Variants in EYA2 observed in about 807,000 individuals in gnomAD.
The protein encoded by EYA2 is protein phosphatase EYA2.
A neutral mutation model predicts 69.2 loss-of-function variants in EYA2; 31 were observed. The ratio of observed to expected loss-of-function variants is 0.45; its 90% CI spans 0.34 to 0.60. The LOEUF (loss-of-function observed/expected upper bound fraction) is 0.60. Among genes scored for constraint, EYA2 ranks in the 20% least tolerant of loss-of-function variants. The pLI is 0.02. For missense variants in EYA2, 622 were observed against 701.2 expected, an observed-to-expected ratio of 0.89 and a Z score of 1.28; for synonymous variants, 257 against 279.4, an observed-to-expected ratio of 0.92 and a Z score of 0.80.
chr20:47,083,577 CAAAAA>C (rs35525311), intron 7 of EYA2, among the ~76,000 whole-genome samples: 1 of 120,646 alleles, frequency 8.3e-6, no homozygotes, highest in South Asian at 2.7e-4. Flanking sequence ...GAGTCCATCT[CAAAAA>C]AAAAAAAAAA....
chr20:47,053,901 G>T (rs924304206), intron 5 of EYA2, among the ~76,000 whole-genome samples: 2 of 151,804 alleles, frequency 1.3e-5, no homozygotes, highest in Admixed American at 1.3e-4. Context: ...AGAGTCGTTA[G>T]GGTCATAGAC....
chr20:47,012,333 C>T (rs1397051127), intron 4 of EYA2, among the ~76,000 whole-genome samples: 1 of 152,218 alleles, frequency 6.6e-6, no homozygotes, highest in Admixed American at 6.5e-5. Flanking sequence ...TGTCCCCAGG[C>T]CAAACCGTGA....
At chr20:47,112,164 CTATT>C (rs1443411261) in intron 9 of EYA2, among the ~76,000 whole-genome samples, 2 of 151,932 alleles carry the variant, frequency 1.3e-5, no homozygotes, top group Non-Finnish European at 2.9e-5. Flanking sequence ...AAAGCCATGA[CTATT>C]TAGGAGGAAA....
intron 5 of EYA2, among the ~76,000 whole-genome samples, chr20:47,057,063 AGAAG>A (rs2030650056): frequency 8.4e-6 from 1 of 119,534 alleles, no homozygotes; most frequent in Non-Finnish European, 1.6e-5. Flanking sequence ...AAAGGGAGAA[AGAAG>A]GGAGGGAGGG....
intron 5 of EYA2, among the ~76,000 whole-genome samples, chr20:47,036,986 G>T (rs1984755141): frequency 6.6e-6 from 1 of 152,178 alleles, no homozygotes; most frequent in African/African-American, 2.4e-5. Context: ...ATAAAGGAAA[G>T]AGTTTTTATT....
intron 8 of EYA2, among the ~76,000 whole-genome samples, chr20:47,096,533 A>T (rs1261571216): frequency 6.6e-6 from 1 of 152,216 alleles, no homozygotes; most frequent in Non-Finnish European, 1.5e-5. Flanking sequence ...ATTGGAATAG[A>T]GGGACTCACA....
intron 5 of EYA2, among the ~76,000 whole-genome samples, chr20:47,032,415 A>G (rs1310014449): frequency 6.6e-6 from 1 of 152,110 alleles, no homozygotes; most frequent in East Asian, 1.9e-4. Context: ...TTTATTTTAA[A>G]CCACATCAGT....
At chr20:46,982,275 C>T (rs930192023) in intron 1 of EYA2, among the ~76,000 whole-genome samples, 1 of 152,072 alleles carries the variant, frequency 6.6e-6, no homozygotes, top group Non-Finnish European at 1.5e-5. Flanking sequence ...GATGAAATTC[C>T]ATTGTTTTGT....
At chr20:46,932,339 C>T (rs1198299487) in intron 1 of EYA2, among the ~76,000 whole-genome samples, 1 of 152,092 alleles carries the variant, frequency 6.6e-6, no homozygotes, top group Non-Finnish European at 1.5e-5. Context: ...CACCTCTGCT[C>T]CCCCCACCAA....
At chr20:46,930,691 T>C (rs1182527193) in intron 1 of EYA2, among the ~76,000 whole-genome samples, 1 of 152,178 alleles carries the variant, frequency 6.6e-6, no homozygotes, top group African/African-American at 2.4e-5. Flanking sequence ...CACTTGCACA[T>C]TAAAAGAGAA....
chr20:47,063,429 G>GTGTGTGTGTT (rs1491099617), intron 5 of EYA2, among the ~76,000 whole-genome samples: 1 of 134,416 alleles, frequency 7.4e-6, no homozygotes, highest in African/African-American at 2.7e-5. Context: ...GTGTGTGTGT[G>GTGTGTGTGTT]TTTTGAGACA....
rs189085912 is a variant in EYA2, at chr20:47,002,613, G to A, written c.155+1140G>A. On this transcript the variant is annotated intron_variant, in intron 3 of 15. Transcript: ENST00000327619. ...TCTTTACCCAGTCTATCATTGATGG[G>A]CATTTGGGATGATTCCATGTCTTGG... is the stretch of plus-strand genomic sequence containing the variant. Among the ~76,000 whole-genome samples the A allele has an allele frequency of 1.4e-4, 21 of 152,268 alleles. No individual in the cohort carries two copies. The East Asian group carries it at 4.1e-3, about 29-fold the overall frequency.
chr20:46,940,805 C>T (rs1986123570), intron 1 of EYA2, among the ~76,000 whole-genome samples: 2 of 152,148 alleles, frequency 1.3e-5, no homozygotes, highest in Admixed American at 1.3e-4. Context: ...GCCTGAGCAC[C>T]CCCAGGCCTC....
intron 9 of EYA2, among the ~76,000 whole-genome samples, chr20:47,121,509 AAAAC>A (rs1260429558): frequency 1.3e-5 from 2 of 152,206 alleles, no homozygotes; most frequent in Admixed American, 6.5e-5. Flanking sequence ...GTACAGCTAA[AAAAC>A]AAAATTGAAG....
At chr20:46,966,435 C>T (rs531572453) in intron 1 of EYA2, among the ~76,000 whole-genome samples, 68 of 152,176 alleles carry the variant, frequency 4.5e-4, no homozygotes, top group African/African-American at 1.6e-3. Context: ...CAACACTGTC[C>T]GAGAAAAATA....
intron 1 of EYA2, among the ~76,000 whole-genome samples, chr20:46,938,642 GGAGA>G (rs1311892281): frequency 4.6e-5 from 7 of 151,898 alleles, no homozygotes; most frequent in African/African-American, 1.5e-4. Context: ...GAAAGCAAGT[GGAGA>G]GAGAGAGAGG....
intron 9 of EYA2, among the ~76,000 whole-genome samples, chr20:47,108,953 C>T (rs1437198711): frequency 6.6e-6 from 1 of 152,094 alleles, no homozygotes; most frequent in East Asian, 1.9e-4. Context: ...GAGGCTACTG[C>T]ACCAGTTTAT....
At chr20:47,000,514 T>C (rs1396345363) in intron 2 of EYA2, among the ~76,000 whole-genome samples, 2 of 152,192 alleles carry the variant, frequency 1.3e-5, no homozygotes, top group Admixed American at 6.5e-5. Flanking sequence ...AGGTTGACGC[T>C]GTTCCCATCA....
intron 9 of EYA2, among the ~76,000 whole-genome samples, chr20:47,105,349 G>A (rs1395630936): frequency 6.6e-6 from 1 of 152,168 alleles, no homozygotes; most frequent in Admixed American, 6.5e-5. Flanking sequence ...CAGTGGCTGG[G>A]CGTGGTGGCC....
Sources: allele counts gnomAD v4.1 joint callset (sites outside exome capture counted in the v4.1 genomes callset), GRCh38; gene constraint gnomAD v4.1.1; transcripts MANE v1.5; gene names NCBI Gene and HGNC (gene_info 2026-07-23, HGNC 2026-07-21).